Variants in STARD13 observed in about 807,000 individuals in gnomAD.
STARD13 encodes the protein StAR related lipid transfer domain containing 13.
Under a neutral mutation model 106.4 loss-of-function variants are expected in STARD13, and 62 were observed. The ratio of observed to expected loss-of-function variants is 0.58; its 90% CI spans 0.48 to 0.72. STARD13 has a LOEUF of 0.72. Among genes scored for constraint, STARD13 ranks in the 30% least tolerant of loss-of-function variants. The pLI, the probability that STARD13 is intolerant of heterozygous loss-of-function variation, is 0.00. For missense variants in STARD13, 1,387 were observed against 1,424.0 expected, an observed-to-expected ratio of 0.97 and a Z score of 0.42; for synonymous variants, 565 against 553.0, an observed-to-expected ratio of 1.02 and a Z score of -0.31.
At chr13:33,385,125 G>A in the STARD13 span, among the ~76,000 whole-genome samples, 1 of 132,088 alleles carries the variant, frequency 7.6e-6, no homozygotes, top group Non-Finnish European at 1.6e-5. Flanking sequence ...GAAAGGTTCG[G>A]AATATATATA....
In STARD13 at chr13:33,168,121, A is replaced by G. The variant is rs539938545; in HGVS notation, c.170-499T>C. Among the ~76,000 whole-genome samples the G allele has an allele frequency of 7.9e-5, 12 of 152,178 alleles. No individual in the cohort carries two copies. In the South Asian group the frequency reaches 2.3e-3, roughly 29 times the overall value. On this transcript the variant is annotated intron_variant, in intron 1 of 13. Transcript: ENST00000336934. ...ATTGCCTATGAAAATGTATTTTCTCATGAAAAAAAGCTAAAATCCAGTGTA... is the reference window on the plus strand; with the variant it reads ...ATTGCCTATGAAAATGTATTTTCTCGTGAAAAAAAGCTAAAATCCAGTGTA...
At chr13:33,226,746 T>C (rs1888647278) in intron 1 of STARD13, among the ~76,000 whole-genome samples, 1 of 152,148 alleles carries the variant, frequency 6.6e-6, no homozygotes, top group Non-Finnish European at 1.5e-5. Context: ...CAAATTTACT[T>C]CTATTATTCA....
the STARD13 span, among the ~76,000 whole-genome samples, chr13:33,522,687 T>C: frequency 2.6e-5 from 4 of 152,206 alleles, no homozygotes; most frequent in Non-Finnish European, 5.9e-5. Flanking sequence ...ATTACCTTTT[T>C]ATAAAGGCAT....
chr13:33,295,655 T>G (rs1012246363), intron 1 of STARD13, among the ~76,000 whole-genome samples: 3 of 152,034 alleles, frequency 2.0e-5, no homozygotes, highest in African/African-American at 7.2e-5. Context: ...ACAGTTACAA[T>G]TATAGGACTG....
At chr13:33,115,517 A>G (rs960719640) in intron 8 of STARD13, among the ~76,000 whole-genome samples, 1 of 152,132 alleles carries the variant, frequency 6.6e-6, no homozygotes, top group Non-Finnish European at 1.5e-5. Context: ...CACCTGCTCA[A>G]CTCAATACCC....
At chr13:33,528,106 G>A in the STARD13 span, among the ~76,000 whole-genome samples, 1 of 148,850 alleles carries the variant, frequency 6.7e-6, no homozygotes, top group Non-Finnish European at 1.5e-5. Flanking sequence ...TGAACCTCCA[G>A]AGAACATTCA....
At chr13:33,477,407 C>T in the STARD13 span, among the ~76,000 whole-genome samples, 1 of 152,206 alleles carries the variant, frequency 6.6e-6, no homozygotes, top group African/African-American at 2.4e-5. Flanking sequence ...AGCCACATCA[C>T]CCCAACAATA....
intron 1 of STARD13, among the ~76,000 whole-genome samples, chr13:33,300,914 C>A (rs1054024494): frequency 6.6e-6 from 1 of 152,134 alleles, no homozygotes; most frequent in Non-Finnish European, 1.5e-5. Context: ...ACATGCGCTT[C>A]CCTCGTACTG....
intron 1 of STARD13, among the ~76,000 whole-genome samples, chr13:33,263,704 T>A (rs1415546446): frequency 6.6e-6 from 1 of 152,186 alleles, no homozygotes; most frequent in Non-Finnish European, 1.5e-5. Context: ...ACCCGAGCAC[T>A]CTCTTCATGT....
At chr13:33,163,768 T>A (rs1883021924) in intron 3 of STARD13, among the ~76,000 whole-genome samples, 1 of 144,606 alleles carries the variant, frequency 6.9e-6, no homozygotes, top group Non-Finnish European at 1.5e-5. Flanking sequence ...AACATATATA[T>A]ATGTTATACC....
chr13:33,302,929 T>A (rs1342217190), intron 1 of STARD13, among the ~76,000 whole-genome samples: 7 of 152,210 alleles, frequency 4.6e-5, no homozygotes. Context: ...AAAAGGACAA[T>A]GTCCAGATTC....
At chr13:33,211,979 T>G (rs1395713786) in intron 1 of STARD13, among the ~76,000 whole-genome samples, 1 of 152,220 alleles carries the variant, frequency 6.6e-6, no homozygotes, top group African/African-American at 2.4e-5. Flanking sequence ...ATAATATATG[T>G]ATTATTCTCA....
the STARD13 span, among the ~76,000 whole-genome samples, chr13:33,670,323 G>C: frequency 8.3e-4 from 127 of 152,274 alleles, 1 homozygote; most frequent in South Asian, 0.022. Context: ...AAGAATATGG[G>C]CAGCGCTAAT....
the STARD13 span, among the ~76,000 whole-genome samples, chr13:33,526,244 T>G: frequency 1.3e-5 from 2 of 152,104 alleles, no homozygotes; most frequent in African/African-American, 4.8e-5. Context: ...TCCTTTCAAT[T>G]CTATTGAATT....
chr13:33,195,495 T>C (rs1457286701), intron 1 of STARD13, among the ~76,000 whole-genome samples: 1 of 152,214 alleles, frequency 6.6e-6, no homozygotes, highest in East Asian at 1.9e-4. Flanking sequence ...TGTGTGGTGT[T>C]CCAGCCACCT....
chr13:33,247,199 A>ATAAATAAATAAATAAATAAAT (rs1889867122), intron 1 of STARD13, among the ~76,000 whole-genome samples: 1 of 143,886 alleles, frequency 6.9e-6, no homozygotes, highest in Non-Finnish European at 1.5e-5. Context: ...TCTGTCTCGG[A>ATAAATAAATAAATAAATAAAT]TAAATAAATA....
At chr13:33,482,268 G>A in the STARD13 span, among the ~76,000 whole-genome samples, 1 of 151,974 alleles carries the variant, frequency 6.6e-6, no homozygotes, top group Admixed American at 6.6e-5. Flanking sequence ...TGTACGTGAG[G>A]GTTCATGGCT....
At chr13:33,372,422 T>C in the STARD13 span, among the ~76,000 whole-genome samples, 1 of 151,974 alleles carries the variant, frequency 6.6e-6, no homozygotes, top group African/African-American at 2.4e-5. Context: ...TACTAAGTGA[T>C]CGACTCATGT....
chr13:33,416,823 C>A, the STARD13 span, among the ~76,000 whole-genome samples: 1 of 151,866 alleles, frequency 6.6e-6, no homozygotes, highest in East Asian at 1.9e-4. Context: ...AAAATATAAG[C>A]AACAAGATAA....
Sources: gnomAD v4.1 joint callset for allele counts (sites outside exome capture counted in the v4.1 genomes callset) on GRCh38, gnomAD v4.1.1 for gene constraint, MANE v1.5 for transcripts, NCBI Gene and HGNC (gene_info 2026-07-23, HGNC 2026-07-21) for gene names.